ARB2A: variants seen among roughly 807,000 people sequenced by gnomAD.
ARB2A encodes the protein ARB2 cotranscriptional regulator A.
At chr5:94,102,309 A>G in the ARB2A span, among the ~76,000 whole-genome samples, 1 of 152,094 alleles carries the variant, frequency 6.6e-6, no homozygotes, top group Non-Finnish European at 1.5e-5. Context: ...TTAAAGATGA[A>G]ATAGTCATTT....
the ARB2A span, among the ~76,000 whole-genome samples, chr5:93,795,842 G>A: frequency 1.3e-4 from 20 of 148,566 alleles, no homozygotes; most frequent in South Asian, 2.1e-4. Context: ...GAAGACTATT[G>A]AAAAGCAAAA....
the ARB2A span, among the ~76,000 whole-genome samples, chr5:94,002,641 A>AT: frequency 6.6e-6 from 1 of 151,930 alleles, no homozygotes; most frequent in Non-Finnish European, 1.5e-5. Flanking sequence ...CTTTTTATTT[A>AT]TTTTTAGGAC....
At chr5:94,032,353 A>G in the ARB2A span, among the ~76,000 whole-genome samples, 1 of 152,232 alleles carries the variant, frequency 6.6e-6, no homozygotes, top group African/African-American at 2.4e-5. Context: ...GGTGTCTCAC[A>G]TGGCAAGAGC....
the ARB2A span, among the ~76,000 whole-genome samples, chr5:93,873,727 C>G: frequency 1.3e-5 from 2 of 152,148 alleles, no homozygotes; most frequent in Non-Finnish European, 2.9e-5. Flanking sequence ...GTGACCTTGT[C>G]AGGTGGGAGC....
the ARB2A span, chr5:93,740,537 C>T: frequency 6.5e-7 from 1 of 1,539,792 alleles, no homozygotes; most frequent in Non-Finnish European, 8.8e-7. Context: ...CCCTTCTTCT[C>T]CCCTCTCCAA....
At chr5:93,988,969 A>G in the ARB2A span, among the ~76,000 whole-genome samples, 1 of 152,180 alleles carries the variant, frequency 6.6e-6, no homozygotes, top group Non-Finnish European at 1.5e-5. Context: ...CCTATGTTAC[A>G]AAGTCTTTCA....
At chr5:93,857,055 CCT>C in the ARB2A span, among the ~76,000 whole-genome samples, 1 of 152,140 alleles carries the variant, frequency 6.6e-6, no homozygotes, top group Non-Finnish European at 1.5e-5. Flanking sequence ...CACTCCAGAC[CCT>C]ATTTGCCTGG....
the ARB2A span, among the ~76,000 whole-genome samples, chr5:93,835,171 G>A: frequency 2.6e-5 from 4 of 152,162 alleles, no homozygotes; most frequent in African/African-American, 9.7e-5. Context: ...CCAAACAGAA[G>A]TGATGCAGTA....
chr5:93,828,023 G>C, the ARB2A span, among the ~76,000 whole-genome samples: 1 of 152,196 alleles, frequency 6.6e-6, no homozygotes, highest in Non-Finnish European at 1.5e-5. Flanking sequence ...GTCAGGTAGT[G>C]TGATGCCTCC....
chr5:93,667,202 C>T, the ARB2A span, among the ~76,000 whole-genome samples: 1 of 152,184 alleles, frequency 6.6e-6, no homozygotes, highest in Non-Finnish European at 1.5e-5. Flanking sequence ...CTTCCCTTAC[C>T]TTTCTTCTTA....
the ARB2A span, among the ~76,000 whole-genome samples, chr5:94,000,227 G>T: frequency 6.6e-6 from 1 of 152,004 alleles, no homozygotes; most frequent in Non-Finnish European, 1.5e-5. Flanking sequence ...GTTTACTTTT[G>T]TAAGAGCCAA....
the ARB2A span, among the ~76,000 whole-genome samples, chr5:93,786,819 G>T: frequency 1.3e-5 from 2 of 152,252 alleles, no homozygotes; most frequent in African/African-American, 4.8e-5. Context: ...ACTGGAGACA[G>T]GCAATGGTGC....
At chr5:93,671,872 T>C in the ARB2A span, among the ~76,000 whole-genome samples, 1 of 152,148 alleles carries the variant, frequency 6.6e-6, no homozygotes, top group South Asian at 2.1e-4. Flanking sequence ...GAAGATAGTG[T>C]GAAGAAAAAT....
At chr5:93,786,481 A>G in the ARB2A span, among the ~76,000 whole-genome samples, 3 of 152,226 alleles carry the variant, frequency 2.0e-5, no homozygotes, top group Admixed American at 6.5e-5. Context: ...ACACTTTAAA[A>G]ATCACTTTCA....
chr5:94,110,075 G>A, the ARB2A span, among the ~76,000 whole-genome samples: 2 of 151,872 alleles, frequency 1.3e-5, no homozygotes, highest in Admixed American at 6.6e-5. Context: ...TAGTAGAGAC[G>A]GGGTTCACCG....
chr5:93,937,402 A>C, the ARB2A span, among the ~76,000 whole-genome samples: 1 of 150,636 alleles, frequency 6.6e-6, no homozygotes, highest in Non-Finnish European at 1.5e-5. Flanking sequence ...AGACATTGAG[A>C]CCATTCTGGC....
chr5:93,975,653 C>T, the ARB2A span, among the ~76,000 whole-genome samples: 1 of 152,100 alleles, frequency 6.6e-6, no homozygotes, highest in Non-Finnish European at 1.5e-5. Flanking sequence ...CTACTATATA[C>T]ATCTCTATGC....
At chr5:93,938,128 A>G in the ARB2A span, among the ~76,000 whole-genome samples, 2 of 152,210 alleles carry the variant, frequency 1.3e-5, no homozygotes, top group African/African-American at 2.4e-5. Flanking sequence ...ACAACAGAAT[A>G]ACACCATTCA....
chr5:93,801,644 AG>A, the ARB2A span, among the ~76,000 whole-genome samples: 1 of 152,168 alleles, frequency 6.6e-6, no homozygotes, highest in Non-Finnish European at 1.5e-5. Flanking sequence ...TGACTTGCTC[AG>A]GAATGTGCAC....
Sources: gnomAD v4.1 joint callset for allele counts (sites outside exome capture counted in the v4.1 genomes callset) on GRCh38, gnomAD v4.1.1 for gene constraint, MANE v1.5 for transcripts, NCBI Gene and HGNC (gene_info 2026-07-23, HGNC 2026-07-21) for gene names.